Variants in TAMM41 observed in about 807,000 individuals in gnomAD.
The protein encoded by TAMM41 is TAM41 mitochondrial translocator assembly and maintenance homolog, also known as phosphatidate cytidylyltransferase, mitochondrial.
A neutral mutation model predicts 44.1 loss-of-function variants in TAMM41; 36 were observed. That is an observed-to-expected ratio of 0.82 (90% confidence interval 0.63 to 1.08). The LOEUF (loss-of-function observed/expected upper bound fraction) is 1.08, where lower values mean the gene tolerates loss of function less well. Among genes scored for constraint, TAMM41 ranks in the 50% least tolerant of loss-of-function variants. TAMM41 has a pLI of 0.00. For missense variants in TAMM41, 417 were observed against 404.3 expected (o/e 1.03, Z -0.27); for synonymous variants, 164 against 153.1 (o/e 1.07, Z -0.53).
At chr3:11,753,557 T>G in the TAMM41 span, among the ~76,000 whole-genome samples, 2,717 of 147,494 alleles carry the variant, frequency 0.018, 74 homozygotes, top group African/African-American at 0.063. Context: ...ACCCTATCTC[T>G]ACTAAAAATA....
chr3:11,772,965 CTCTT>C, the TAMM41 span, among the ~76,000 whole-genome samples: 5 of 151,896 alleles, frequency 3.3e-5, no homozygotes, highest in Non-Finnish European at 5.9e-5. Flanking sequence ...TTCTTTCTCT[CTCTT>C]TTTTTGGAAT....
At chr3:11,751,008 C>T in the TAMM41 span, among the ~76,000 whole-genome samples, 3 of 151,862 alleles carry the variant, frequency 2.0e-5, no homozygotes, top group Admixed American at 6.6e-5. Flanking sequence ...ACAATGTCAA[C>T]CACAGGTCCA....
At chr3:11,832,363 C>G (rs1004016365) in intron 3 of TAMM41, among the ~76,000 whole-genome samples, 3 of 151,820 alleles carry the variant, frequency 2.0e-5, no homozygotes, top group Non-Finnish European at 4.4e-5. Context: ...TGAAGGCAGG[C>G]GAATGATGTG....
At chr3:11,811,596 GAA>G (rs1227619785) in intron 5 of TAMM41, 2 of 152,160 alleles carry the variant, frequency 1.3e-5, no homozygotes, top group East Asian at 3.8e-4. Flanking sequence ...TTAAAATAAC[GAA>G]AGTGAAAGCA....
chr3:11,735,640 G>C, the TAMM41 span, among the ~76,000 whole-genome samples: 1 of 151,832 alleles, frequency 6.6e-6, no homozygotes, highest in Non-Finnish European at 1.5e-5. Context: ...ATTTCAAAAA[G>C]GAAACAAAAA....
At chr3:11,761,578 C>T in the TAMM41 span, among the ~76,000 whole-genome samples, 1 of 152,130 alleles carries the variant, frequency 6.6e-6, no homozygotes, top group Non-Finnish European at 1.5e-5. Context: ...CAAATAGCTG[C>T]CGACTGCAGA....
At chr3:11,816,867 T>C (rs1424867928) in intron 5 of TAMM41, among the ~76,000 whole-genome samples, 1 of 151,970 alleles carries the variant, frequency 6.6e-6, no homozygotes, top group Non-Finnish European at 1.5e-5. Context: ...GGAATGAGAG[T>C]GATCTAAAAG....
chr3:11,807,742 C>G (rs946880568), intron 7 of TAMM41, 91 bp downstream of exon 7: 5 of 1,535,930 alleles, frequency 3.3e-6, no homozygotes, highest in Admixed American at 2.0e-5. Context: ...TTCACAAGCA[C>G]CTAAAAGATA....
the TAMM41 span, among the ~76,000 whole-genome samples, chr3:11,741,544 T>C: frequency 1.5e-4 from 22 of 150,152 alleles, 1 homozygote; most frequent in Admixed American, 1.4e-3. Flanking sequence ...TTTCTCTTCA[T>C]GTCTTCCACC....
intron 3 of TAMM41, among the ~76,000 whole-genome samples, chr3:11,832,296 T>C (rs2079014054): frequency 1.4e-5 from 2 of 144,958 alleles, no homozygotes; most frequent in African/African-American, 2.6e-5. Context: ...AAAAAAAAAA[T>C]CCACAAAGTT....
the TAMM41 span, among the ~76,000 whole-genome samples, chr3:11,770,115 T>A: frequency 6.6e-6 from 1 of 152,086 alleles, no homozygotes; most frequent in South Asian, 2.1e-4. Context: ...ACAGGGGAGA[T>A]GTGTGATTGG....
In TAMM41 at chr3:11,827,076, C is replaced by T. The variant is rs1224236338; in HGVS notation, c.562+2638G>A. 3.3e-5 allele frequency among the ~76,000 whole-genome samples: 5 copies of T among 152,152 alleles called. No individual in the cohort carries two copies. In the East Asian group the frequency reaches 9.6e-4, roughly 29 times the overall value. The stretch of plus-strand genomic sequence containing the variant: ...GTGACTGCATGTTATTAATGTGAAG[C>T]TCCTTAGAGCAGAAATTCCATCTGC... On this transcript the variant is annotated intron_variant, in intron 4 of 7. Coordinates refer to ENST00000455809, the MANE Select transcript of TAMM41 (RefSeq NM_001284401.2).
chr3:11,740,564 T>C, the TAMM41 span, among the ~76,000 whole-genome samples: 1 of 152,138 alleles, frequency 6.6e-6, no homozygotes, highest in Non-Finnish European at 1.5e-5. Flanking sequence ...TATGACAAAA[T>C]ACCTTAGATT....
At chr3:11,763,051 TAAATA>T in the TAMM41 span, among the ~76,000 whole-genome samples, 4 of 152,158 alleles carry the variant, frequency 2.6e-5, no homozygotes, top group Non-Finnish European at 4.4e-5. Context: ...AAAAAATAAA[TAAATA>T]AAAGAAATTG....
At chr3:11,731,008 A>G in the TAMM41 span, among the ~76,000 whole-genome samples, 11 of 152,094 alleles carry the variant, frequency 7.2e-5, no homozygotes, top group Non-Finnish European at 1.5e-4. Flanking sequence ...TTCCTCACCT[A>G]TATGATGGGG....
At chr3:11,759,923 G>C in the TAMM41 span, among the ~76,000 whole-genome samples, 9 of 151,984 alleles carry the variant, frequency 5.9e-5, no homozygotes, top group Non-Finnish European at 8.8e-5. Flanking sequence ...GCAGTGAGCC[G>C]AGATCGCGCC....
At chr3:11,784,070 G>A in the TAMM41 span, among the ~76,000 whole-genome samples, 1 of 152,190 alleles carries the variant, frequency 6.6e-6, no homozygotes, top group Non-Finnish European at 1.5e-5. Flanking sequence ...GACCCATAGG[G>A]ACAGCTCTTC....
chr3:11,789,213 T>C (rs749347596), downstream of TAMM41, among the ~76,000 whole-genome samples: 10 of 152,214 alleles, frequency 6.6e-5, no homozygotes, highest in Non-Finnish European at 1.2e-4. Flanking sequence ...GGCGATGAGA[T>C]ATAACTCAGT....
chr3:11,804,868 A>T (rs887158295), intron 7 of TAMM41, among the ~76,000 whole-genome samples: 8 of 145,438 alleles, frequency 5.5e-5, no homozygotes, highest in African/African-American at 2.0e-4. Flanking sequence ...TATTATTATA[A>T]TTTTTTTTTT....
Sources: gnomAD v4.1 joint callset for allele counts (sites outside exome capture counted in the v4.1 genomes callset) on GRCh38, gnomAD v4.1.1 for gene constraint, MANE v1.5 for transcripts, NCBI Gene and HGNC (gene_info 2026-07-23, HGNC 2026-07-21) for gene names.